NFIC: variants seen among roughly 807,000 people sequenced by gnomAD.
NFIC encodes nuclear factor I C.
NFIC carries 12 observed loss-of-function variants against 54.4 expected under a neutral mutation model. The ratio of observed to expected loss-of-function variants is 0.22; its 90% CI spans 0.14 to 0.36. The LOEUF is 0.36. Among genes scored for constraint, NFIC ranks in the 10% least tolerant of loss-of-function variants. NFIC has a pLI of 1.00. For missense variants in NFIC, 575 were observed against 718.2 expected, an observed-to-expected ratio of 0.80 and a Z score of 2.28; for synonymous variants, 322 against 319.2, an observed-to-expected ratio of 1.01 and a Z score of -0.09.
At chr19:3,430,165 T>C (rs892198585) in intron 3 of NFIC, among the ~76,000 whole-genome samples, 1 of 152,098 alleles carries the variant, frequency 6.6e-6, no homozygotes, top group Non-Finnish European at 1.5e-5. Flanking sequence ...TGATGTACAA[T>C]GCATCATTTT....
rs773625962 is a variant in NFIC at position 3,434,359 on chromosome 19, C to T, written c.792C>T (p.Ser264=). The T allele has an allele frequency of 4.3e-6, 7 of 1,613,306 alleles. No homozygotes were observed. The South Asian group carries it at 6.6e-5, about 15-fold the overall frequency. The change falls in exon 5 of 11, where the codon AGC becomes AGT. Residue 264 remains serine (S), a synonymous_variant. Transcript: ENST00000443272. ...GHLAYDLNPA[S]TGLRRTLPST... Reference sequence around the variant, plus strand: ...TGGCATACGACCTGAACCCAGCCAGCACTGGCCTCAGAAGAACGCTGCCCA... The same window carrying T: ...TGGCATACGACCTGAACCCAGCCAGTACTGGCCTCAGAAGAACGCTGCCCA...
intron 3 of NFIC, among the ~76,000 whole-genome samples, chr19:3,430,110 C>G (rs1318075531): frequency 6.6e-6 from 1 of 152,162 alleles, no homozygotes. Flanking sequence ...GCTGATGCAC[C>G]TCGCATTTGA....
chr19:3,457,449 C>A (rs922337794), intron 10 of NFIC, among the ~76,000 whole-genome samples: 5 of 152,138 alleles, frequency 3.3e-5, no homozygotes, highest in South Asian at 2.1e-4. Flanking sequence ...CCTCACCCCC[C>A]ACCCCCATAA....
intron 2 of NFIC, among the ~76,000 whole-genome samples, chr19:3,407,264 C>T (rs967382916): frequency 6.6e-5 from 10 of 151,864 alleles, no homozygotes; most frequent in Non-Finnish European, 1.0e-4. Flanking sequence ...CAGGCGCCCG[C>T]CACCACGCCC....
chr19:3,452,588 A>C lies in NFIC; in HGVS notation c.1191A>C (p.Pro397=). Residue 397 remains proline (P), a synonymous_variant, in exon 8 of 11, where the codon CCA becomes CCC. Coordinates refer to ENST00000443272, the MANE Select transcript of NFIC (RefSeq NM_001245002.2). This position sits in a 1 kb window ranked among gnomAD's most constrained non-coding sequence, Gnocchi z 5.3. ...TCCCCCACACGGCCATCCGCTACCC[A>C]CCTCATCTCAACCCCCAGGACCCGC... is the stretch of plus-strand genomic sequence containing the variant. ...TYFPHTAIRY[P]PHLNPQDPLK... 6.2e-7 allele frequency: 1 copy of C among 1,611,992 alleles called. No individual in the cohort carries two copies. Among genetic ancestry groups the C allele is most frequent in the Non-Finnish European group, 8.5e-7 (1 of 1,179,516 alleles).
At position 3,462,790 on chromosome 19, in the gene NFIC, C is replaced by G; in HGVS notation, c.*21C>G. ...GATAGCAAAGGTCTTCTTCCCTCGC[C>G]CCTTCTCCATCGTCCCAGGAATCCC... On this transcript the variant is annotated 3_prime_UTR_variant, in exon 11 of 11. Transcript: ENST00000443272. 1 of 1,613,950 alleles carries G rather than the reference C, an allele frequency of 6.2e-7. No homozygotes were observed. The highest frequency in any genetic ancestry group is 8.5e-7 in the Non-Finnish European group (1 of 1,179,994).
At chr19:3,434,141 C>T in intron 4 of NFIC, 136 bp from the exon 5 acceptor site, 1 of 1,353,040 alleles carries the variant, frequency 7.4e-7, no homozygotes, top group Non-Finnish European at 9.9e-7. Context: ...CTGGTTTCAG[C>T]CACCCTAGGA....
intron 2 of NFIC, among the ~76,000 whole-genome samples, chr19:3,406,371 G>A (rs2081648776): frequency 8.0e-6 from 1 of 124,320 alleles, no homozygotes; most frequent in South Asian, 2.6e-4. Flanking sequence ...TGGGATTACA[G>A]GCATGAGCCA....
At chr19:3,385,620 T>G (rs928249851) in intron 2 of NFIC, among the ~76,000 whole-genome samples, 1 of 146,930 alleles carries the variant, frequency 6.8e-6, no homozygotes, top group African/African-American at 2.5e-5. Flanking sequence ...TCTCCCAGGC[T>G]GGAGTGCAAT....
rs58303697 is a variant in NFIC, at chr19:3,447,066, A to G, written c.959-1948A>G. Among the ~76,000 whole-genome samples, 112 of 152,190 alleles carry G rather than the reference A, an allele frequency of 7.4e-4. No individual in the cohort carries two copies. In the East Asian group the frequency reaches 0.017, roughly 23 times the overall value. ...ATAATCCCAGCACTTTGGGAGGCCG[A>G]GGTGGGTGGATCACCTGAGGCCAGG... On this transcript the variant is annotated intron_variant, in intron 6 of 10. Coordinates refer to ENST00000443272, the MANE Select transcript of NFIC (RefSeq NM_001245002.2).
rs1261778309 is a variant in NFIC, at chr19:3,468,025, C to G, written c.*5256C>G. 1 of 151,790 alleles carries G rather than the reference C, an allele frequency of 6.6e-6. No homozygotes were observed. The highest frequency in any genetic ancestry group is 2.4e-5 in the African/African-American group (1 of 41,258). 9.4% of individuals were successfully genotyped at this position (151,790 alleles called of 1,614,324 possible). A position where few individuals can be genotyped will look rare whatever the true frequency, so the allele number is the denominator to read the frequency against. ...GCTGCCCATCCATTGCTCAATGGTA[C>G]AGAGTGTGGGGTCAGTCCACCACCC... On this transcript the variant is annotated 3_prime_UTR_variant, in exon 11 of 11. Coordinates refer to ENST00000443272, the MANE Select transcript of NFIC (RefSeq NM_001245002.2).
intron 6 of NFIC, among the ~76,000 whole-genome samples, chr19:3,439,570 A>G (rs2082260016): frequency 6.7e-6 from 1 of 150,254 alleles, no homozygotes; most frequent in South Asian, 2.1e-4. Flanking sequence ...TGAACCTGGG[A>G]GGCGGAGGGT....
chr19:3,389,515 A>C (rs958415707), intron 2 of NFIC, among the ~76,000 whole-genome samples: 6 of 152,012 alleles, frequency 3.9e-5, no homozygotes, highest in African/African-American at 1.4e-4. Context: ...GTGCCTGTTT[A>C]TTTGTATGGT....
At position 3,458,659 on chromosome 19, in the gene NFIC, A is replaced by G. The variant is rs1014887153; in HGVS notation, c.1509+2024A>G. ...GGGGGGCACTGGCAAGGGGCTCAGCATAGGCAATGGTGTGGGTCGGGGGAG... is the reference window on the plus strand; with the variant it reads ...GGGGGGCACTGGCAAGGGGCTCAGCGTAGGCAATGGTGTGGGTCGGGGGAG... On this transcript the variant is annotated intron_variant, in intron 10 of 10. Coordinates refer to ENST00000443272, the MANE Select transcript of NFIC (RefSeq NM_001245002.2). This position sits in a 1 kb window ranked among gnomAD's most constrained non-coding sequence, Gnocchi z 4.1. Among the ~76,000 whole-genome samples the G allele has an allele frequency of 1.2e-4, 17 of 145,112 alleles. No individual in the cohort carries two copies. The highest frequency in any genetic ancestry group is 3.8e-4 in the African/African-American group (15 of 39,386).
Position 3,458,502 on chromosome 19 carries a change from C to G in NFIC, c.1509+1867C>G, listed in dbSNP as rs562904512. Among the ~76,000 whole-genome samples, 72 of 152,330 alleles carry G rather than the reference C, an allele frequency of 4.7e-4. No homozygotes were observed. Among genetic ancestry groups the G allele is most frequent in the Middle Eastern group, 3.4e-3 (1 of 294 alleles). ...GACTGTGCTGGCTCCAGCCCCACCC[C>G]ACCCAAGCCTGGGAGGGAAGGGAAA... is the stretch of plus-strand genomic sequence containing the variant. On this transcript the variant is annotated intron_variant, in intron 10 of 10. Transcript: ENST00000443272. This position sits in a 1 kb window ranked among gnomAD's most constrained non-coding sequence, Gnocchi z 4.1.
At chr19:3,382,956 C>T (rs974165366) in intron 2 of NFIC, among the ~76,000 whole-genome samples, 1 of 151,298 alleles carries the variant, frequency 6.6e-6, no homozygotes, top group African/African-American at 2.4e-5. Context: ...ACAGAGGAGG[C>T]AGGTGGGCTG....
chr19:3,423,115 T>C (rs1011893546), intron 2 of NFIC, among the ~76,000 whole-genome samples: 2 of 151,870 alleles, frequency 1.3e-5, no homozygotes, highest in Non-Finnish European at 2.9e-5. Context: ...GGAGAATCAC[T>C]TGAACCCGAG....
intron 1 of NFIC, among the ~76,000 whole-genome samples, chr19:3,377,496 G>A (rs1242622281): frequency 2.0e-5 from 3 of 152,086 alleles, no homozygotes; most frequent in Non-Finnish European, 1.5e-5. Context: ...AGCCCAGCCT[G>A]GTCAAGGCAG....
In NFIC at chr19:3,369,329, G is replaced by A. The variant is rs529763554; in HGVS notation, c.30+2663G>A. Among the ~76,000 whole-genome samples, 1 of 150,100 alleles carries A rather than the reference G, an allele frequency of 6.7e-6. No homozygotes were observed. The highest frequency in any genetic ancestry group is 2.4e-5 in the African/African-American group (1 of 40,870). ...CCTCTGTCTCTGCGTGTCTCCCCTTGCCCCCTCTCTCCCTGTCTCTCTCTA... is the reference window on the plus strand; with the variant it reads ...CCTCTGTCTCTGCGTGTCTCCCCTTACCCCCTCTCTCCCTGTCTCTCTCTA... On this transcript the variant is annotated intron_variant, in intron 1 of 10. Transcript: ENST00000443272. This position sits in a 1 kb window ranked among gnomAD's most constrained non-coding sequence, Gnocchi z 4.3.
Sources: gnomAD v4.1 joint callset for allele counts (sites outside exome capture counted in the v4.1 genomes callset) on GRCh38, gnomAD v4.1.1 for gene constraint, Gnocchi (gnomAD v3.1) non-coding constraint, MANE v1.5 for transcripts, NCBI Gene and HGNC (gene_info 2026-07-23, HGNC 2026-07-21) for gene names.